CEP128: variants seen among roughly 807,000 people sequenced by gnomAD.
CEP128 encodes the protein centrosomal protein 128, also known as centrosomal protein 128kDa.
CEP128 carries 132 observed loss-of-function variants against 156.7 expected under a neutral mutation model. The ratio of observed to expected loss-of-function variants is 0.84; its 90% confidence interval spans 0.73 to 0.97. The LOEUF (loss-of-function observed/expected upper bound fraction) is 0.97, where lower values mean the gene tolerates loss of function less well. CEP128 is among the 50% of genes least tolerant of loss of function. The pLI, the probability that CEP128 is intolerant of heterozygous loss-of-function variation, is 0.00. For synonymous variants in CEP128, 469 were observed against 448.9 expected, an observed-to-expected ratio of 1.04 and a Z score of -0.57; for missense variants, 1,252 against 1,281.9, an observed-to-expected ratio of 0.98 and a Z score of 0.36.
intron 19 of CEP128, among the ~76,000 whole-genome samples, chr14:80,619,529 A>T (rs1270728979): frequency 6.6e-6 from 1 of 151,406 alleles, no homozygotes; most frequent in African/African-American, 2.4e-5. Flanking sequence ...GTGAAACCTC[A>T]TCTCTACTAA....
intron 20 of CEP128, among the ~76,000 whole-genome samples, chr14:80,564,797 G>C (rs1346360747): frequency 6.6e-6 from 1 of 152,178 alleles, no homozygotes; most frequent in Non-Finnish European, 1.5e-5. Context: ...AGTGGCTCAC[G>C]CCTGTAATTC....
At chr14:80,897,684 A>G (rs79346384) in intron 7 of CEP128, among the ~76,000 whole-genome samples, 1 of 152,092 alleles carries the variant, frequency 6.6e-6, no homozygotes, top group Non-Finnish European at 1.5e-5. Flanking sequence ...TCTTCAAACA[A>G]ACCCCTGTCC....
At chr14:80,944,683 G>A (rs1290023843), upstream of CEP128, among the ~76,000 whole-genome samples, 9 of 151,724 alleles carry the variant, frequency 5.9e-5, no homozygotes, top group African/African-American at 9.7e-5. Context: ...TTAGCCAGGT[G>A]TGGCGGCGGG....
chr14:80,550,812 TAAAA>T (rs35063739), intron 21 of CEP128, among the ~76,000 whole-genome samples: 4 of 137,168 alleles, frequency 2.9e-5, no homozygotes, highest in Admixed American at 7.4e-5. Context: ...ATGTGAAATG[TAAAA>T]AAAAAAAAAA....
intron 21 of CEP128, among the ~76,000 whole-genome samples, chr14:80,534,150 T>A (rs975375030): frequency 6.6e-6 from 1 of 152,178 alleles, no homozygotes; most frequent in Non-Finnish European, 1.5e-5. Context: ...CTCTTCTCTC[T>A]CTCTCTGCAT....
chr14:80,844,609 C>T (rs1364449955), intron 9 of CEP128, among the ~76,000 whole-genome samples: 2 of 152,002 alleles, frequency 1.3e-5, no homozygotes, highest in Admixed American at 6.6e-5. Flanking sequence ...TCCAATATCA[C>T]GTAGTTAAGT....
intron 2 of CEP128, chr14:80,955,899 T>G (rs980917340): frequency 6.2e-7 from 1 of 1,612,966 alleles, no homozygotes; most frequent in Non-Finnish European, 8.5e-7. Flanking sequence ...CAAGGGCATC[T>G]GCAGAGGTGG....
intron 8 of CEP128, among the ~76,000 whole-genome samples, chr14:80,876,800 C>T (rs966913910): frequency 3.3e-5 from 5 of 152,100 alleles, no homozygotes; most frequent in South Asian, 2.1e-4. Context: ...CCAAAGCACA[C>T]GCTCTAAAGG....
At chr14:80,809,829 T>C (rs1337889492) in intron 13 of CEP128, among the ~76,000 whole-genome samples, 1 of 151,958 alleles carries the variant, frequency 6.6e-6, no homozygotes, top group African/African-American at 2.4e-5. Context: ...TACACCACTA[T>C]TGCAAGAAAT....
chr14:80,764,765 C>G (rs1900156931), intron 16 of CEP128, among the ~76,000 whole-genome samples: 1 of 152,202 alleles, frequency 6.6e-6, no homozygotes, highest in Admixed American at 6.5e-5. Flanking sequence ...TGTAAACTCT[C>G]TCCATCAGTG....
intron 21 of CEP128, among the ~76,000 whole-genome samples, chr14:80,532,851 A>G (rs114947042): frequency 0.013 from 1,981 of 152,242 alleles, 53 homozygotes; most frequent in African/African-American, 0.046. Flanking sequence ...TTGTAATGAG[A>G]TTTTTGAGAA....
chr14:80,524,969 T>A (rs530365539), intron 23 of CEP128, among the ~76,000 whole-genome samples: 1 of 152,312 alleles, frequency 6.6e-6, no homozygotes, highest in African/African-American at 2.4e-5. Flanking sequence ...TCCGATGAGA[T>A]TACTTGCTGA....
intron 19 of CEP128, among the ~76,000 whole-genome samples, chr14:80,675,899 A>T (rs1896041416): frequency 6.6e-6 from 1 of 152,112 alleles, no homozygotes; most frequent in South Asian, 2.1e-4. Flanking sequence ...CTGTGTTGCC[A>T]GGATTGTTAC....
chr14:80,896,028 T>C (rs2139398409), intron 7 of CEP128, among the ~76,000 whole-genome samples: 1 of 152,228 alleles, frequency 6.6e-6, no homozygotes, highest in African/African-American at 2.4e-5. Context: ...CTTTCTAAAA[T>C]TCCTAAGTGA....
At chr14:80,729,058 G>GGGGGTGTGTGTGTGTGT (rs1898141728) in intron 19 of CEP128, among the ~76,000 whole-genome samples, 1 of 105,024 alleles carries the variant, frequency 9.5e-6, no homozygotes, top group African/African-American at 5.0e-5. Context: ...GGCTGGTGGG[G>GGGGGTGTGTGTGTGTGT]GTGTGTGTGT....
At chr14:80,596,949 A>G (rs1434426476) in intron 19 of CEP128, among the ~76,000 whole-genome samples, 1 of 151,676 alleles carries the variant, frequency 6.6e-6, no homozygotes, top group Non-Finnish European at 1.5e-5. Flanking sequence ...ATGAAACTAA[A>G]TGCATGCATT....
chr14:80,924,734 G>GT (rs894642660), intron 2 of CEP128, among the ~76,000 whole-genome samples: 14 of 150,972 alleles, frequency 9.3e-5, no homozygotes, highest in African/African-American at 2.2e-4. Flanking sequence ...TTTCATGGGG[G>GT]TTTTTTTTAA....
intron 19 of CEP128, among the ~76,000 whole-genome samples, chr14:80,641,877 C>G (rs1894423808): frequency 6.6e-6 from 1 of 151,832 alleles, no homozygotes; most frequent in East Asian, 1.9e-4. Flanking sequence ...ATCATGAGGT[C>G]AGGAGATCGA....
At chr14:80,494,915 A>T (rs147250629), downstream of CEP128, among the ~76,000 whole-genome samples, 1,284 of 152,272 alleles carry the variant, frequency 8.4e-3, 4 homozygotes, top group Non-Finnish European at 0.014. Flanking sequence ...TTCCAGTCAG[A>T]CACTAGTCAA....
Sources: gnomAD v4.1 joint callset for allele counts (sites outside exome capture counted in the v4.1 genomes callset) on GRCh38, gnomAD v4.1.1 for gene constraint, MANE v1.5 for transcripts, NCBI Gene and HGNC (gene_info 2026-07-23, HGNC 2026-07-21) for gene names.